CSMD1: variants seen among roughly 807,000 people sequenced by gnomAD.
The protein encoded by CSMD1 is CUB and sushi domain-containing protein 1.
CSMD1 carries 213 observed loss-of-function variants against 417.5 expected under a neutral mutation model. The ratio of observed to expected loss-of-function variants is 0.51; its 90% confidence interval spans 0.46 to 0.57. The LOEUF (loss-of-function observed/expected upper bound fraction) is 0.57, where lower values mean the gene tolerates loss of function less well. Ranked by LOEUF, CSMD1 falls within the 20% of genes least tolerant of loss-of-function variation. The probability of loss-of-function intolerance (pLI) is 0.00; values close to 1 mark genes in which losing one functional copy is unlikely to be tolerated. For synonymous variants in CSMD1, 2,862 were observed against 1,736.8 expected (o/e 1.65, Z -16.11); for missense variants, 6,923 against 4,529.7 (o/e 1.53, Z -15.17).
chr8:4,824,753 C>A (rs1228162982), intron 1 of CSMD1, among the ~76,000 whole-genome samples: 2 of 152,104 alleles, frequency 1.3e-5, no homozygotes. Flanking sequence ...GAACTTGTCA[C>A]TCAAAGACAA....
intron 3 of CSMD1, among the ~76,000 whole-genome samples, chr8:4,083,157 A>C (rs1299167257): frequency 6.6e-6 from 1 of 152,068 alleles, no homozygotes; most frequent in Non-Finnish European, 1.5e-5. Flanking sequence ...GTCAAATGGT[A>C]TTTCTGGTTC....
At chr8:3,214,232 A>G (rs1373638981) in intron 30 of CSMD1, among the ~76,000 whole-genome samples, 1 of 152,122 alleles carries the variant, frequency 6.6e-6, no homozygotes, top group African/African-American at 2.4e-5. Context: ...ACAGATCTAG[A>G]ACACACAAAA....
At chr8:3,261,448 C>T (rs910912766) in intron 26 of CSMD1, among the ~76,000 whole-genome samples, 3 of 152,150 alleles carry the variant, frequency 2.0e-5, no homozygotes, top group African/African-American at 7.2e-5. Flanking sequence ...CAAAATCCTA[C>T]AAATCACCAC....
chr8:3,533,991 A>T (rs73505705), intron 10 of CSMD1, among the ~76,000 whole-genome samples: 8 of 152,140 alleles, frequency 5.3e-5, no homozygotes, highest in African/African-American at 1.7e-4. Flanking sequence ...GGCAATATTT[A>T]TATTTTAAAT....
At chr8:4,881,706 A>C (rs1803413320) in intron 1 of CSMD1, among the ~76,000 whole-genome samples, 1 of 151,686 alleles carries the variant, frequency 6.6e-6, no homozygotes, top group Admixed American at 6.6e-5. Context: ...CTTCCACTTG[A>C]TATTTTGAAT....
intron 3 of CSMD1, among the ~76,000 whole-genome samples, chr8:4,195,516 C>G (rs1053799664): frequency 6.6e-5 from 10 of 152,142 alleles, no homozygotes; most frequent in Admixed American, 4.6e-4. Flanking sequence ...TGTATGATCC[C>G]CTGCTCTTGA....
intron 3 of CSMD1, among the ~76,000 whole-genome samples, chr8:4,328,241 AATTT>A (rs1204772845): frequency 8.1e-6 from 1 of 123,232 alleles, no homozygotes; most frequent in African/African-American, 3.6e-5. Context: ...CACTCAATAC[AATTT>A]TTTTTTTTTT....
intron 10 of CSMD1, among the ~76,000 whole-genome samples, chr8:3,554,653 A>G (rs1476031985): frequency 6.6e-6 from 1 of 152,146 alleles, no homozygotes; most frequent in African/African-American, 2.4e-5. Context: ...GAATGGCAGC[A>G]CCTTAGTTTT....
intron 10 of CSMD1, among the ~76,000 whole-genome samples, chr8:3,503,531 C>T (rs564932634): frequency 1.2e-4 from 18 of 152,304 alleles, no homozygotes; most frequent in African/African-American, 4.1e-4. Flanking sequence ...CTAAAATCTC[C>T]CAGATGGTTC....
At chr8:3,775,175 A>C (rs1226548639) in intron 5 of CSMD1, among the ~76,000 whole-genome samples, 1 of 152,242 alleles carries the variant, frequency 6.6e-6, no homozygotes, top group African/African-American at 2.4e-5. Flanking sequence ...CTTTATTTAT[A>C]CCAAACTTAA....
intron 3 of CSMD1, among the ~76,000 whole-genome samples, chr8:4,252,418 T>C (rs138212047): frequency 6.6e-6 from 1 of 152,328 alleles, no homozygotes; most frequent in African/African-American, 2.4e-5. Flanking sequence ...AAACTGAGAC[T>C]TGGGAAGAAA....
chr8:4,612,201 G>A (rs1022904154), intron 2 of CSMD1, among the ~76,000 whole-genome samples: 4 of 152,076 alleles, frequency 2.6e-5, no homozygotes, highest in African/African-American at 4.8e-5. Context: ...CTGGCTGCAG[G>A]CACACTGCCT....
chr8:4,802,292 G>A (rs929048221), intron 1 of CSMD1, among the ~76,000 whole-genome samples: 46 of 152,150 alleles, frequency 3.0e-4, no homozygotes, highest in African/African-American at 9.4e-4. Context: ...GTGGTTTCAG[G>A]CTCATCTTGA....
chr8:4,033,510 G>C (rs965457313), intron 3 of CSMD1, among the ~76,000 whole-genome samples: 1 of 152,150 alleles, frequency 6.6e-6, no homozygotes, highest in Non-Finnish European at 1.5e-5. Flanking sequence ...CCCACTTCCA[G>C]TTGTCCCGCC....
At chr8:4,269,991 G>C (rs1804478512) in intron 3 of CSMD1, among the ~76,000 whole-genome samples, 1 of 152,180 alleles carries the variant, frequency 6.6e-6, no homozygotes. Flanking sequence ...ACCTGAGCTT[G>C]GGGCCATATA....
intron 11 of CSMD1, among the ~76,000 whole-genome samples, chr8:3,472,311 C>T (rs1028329811): frequency 1.2e-4 from 19 of 152,120 alleles, no homozygotes; most frequent in African/African-American, 4.3e-4. Flanking sequence ...CACACTGCAA[C>T]ATCTTTTAAC....
At chr8:4,753,235 C>G (rs1367794708) in intron 1 of CSMD1, among the ~76,000 whole-genome samples, 2 of 151,772 alleles carry the variant, frequency 1.3e-5, no homozygotes, top group Non-Finnish European at 2.9e-5. Context: ...CTTTTTTCTG[C>G]TGTTCTGGGC....
intron 30 of CSMD1, among the ~76,000 whole-genome samples, chr8:3,206,285 A>ATG (rs1429304185): frequency 9.6e-6 from 1 of 103,796 alleles, no homozygotes; most frequent in Non-Finnish European, 1.8e-5. Context: ...CTCTGTGTGT[A>ATG]TGTGTGTGTG....
chr8:4,481,582 C>T (rs758908660), intron 2 of CSMD1, among the ~76,000 whole-genome samples: 15 of 152,112 alleles, frequency 9.9e-5, no homozygotes, highest in Non-Finnish European at 1.6e-4. Flanking sequence ...ATATTTTTCA[C>T]GTGTGATCTC....
Sources: gnomAD v4.1 joint callset for allele counts (sites outside exome capture counted in the v4.1 genomes callset) on GRCh38, gnomAD v4.1.1 for gene constraint, MANE v1.5 for transcripts, NCBI Gene and HGNC (gene_info 2026-07-23, HGNC 2026-07-21) for gene names.